The following COL14A1 variants were observed in gnomAD, a reference collection of about 807,000 sequenced individuals.
COL14A1 encodes the protein collagen type XIV alpha 1 chain, also known as collagen alpha-1(XIV) chain.
A neutral mutation model predicts 230.3 loss-of-function variants in COL14A1; 136 were observed. The observed-to-expected ratio is 0.59, with a 90% CI of 0.51 to 0.68. COL14A1 has a LOEUF of 0.68. Among genes scored for constraint, COL14A1 ranks in the 30% least tolerant of loss-of-function variants. COL14A1 has a pLI of 0.00. For missense variants in COL14A1, 1,976 were observed against 2,215.8 expected, an observed-to-expected ratio of 0.89 and a Z score of 2.17; for synonymous variants, 792 against 784.1, an observed-to-expected ratio of 1.01 and a Z score of -0.17.
At chr8:120,165,571 A>G (rs571156481) in intron 4 of COL14A1, among the ~76,000 whole-genome samples, 1 of 152,314 alleles carries the variant, frequency 6.6e-6, no homozygotes, top group East Asian at 1.9e-4. Context: ...GTCGTAAGAA[A>G]TACCATTTTG....
chr8:120,140,251 C>T (rs932434829), intron 1 of COL14A1, among the ~76,000 whole-genome samples: 4 of 151,990 alleles, frequency 2.6e-5, no homozygotes, highest in Admixed American at 6.6e-5. Flanking sequence ...TTATTTCATT[C>T]GGTTTTGCAA....
chr8:120,244,854 G>A (rs866252833), intron 20 of COL14A1, among the ~76,000 whole-genome samples: 46 of 152,074 alleles, frequency 3.0e-4, no homozygotes, highest in Non-Finnish European at 4.9e-4. Flanking sequence ...TAAATGATCT[G>A]CACCTCTGTT....
chr8:120,313,653 T>C (rs754358041), intron 37 of COL14A1, among the ~76,000 whole-genome samples: 4 of 152,132 alleles, frequency 2.6e-5, no homozygotes, highest in Non-Finnish European at 2.9e-5. Context: ...GTCTCATTAC[T>C]TACATAATTG....
At chr8:120,204,195 G>C (rs1817357473) in intron 9 of COL14A1, among the ~76,000 whole-genome samples, 1 of 152,076 alleles carries the variant, frequency 6.6e-6, no homozygotes, top group Non-Finnish European at 1.5e-5. Flanking sequence ...TTCTTTACTA[G>C]TTTTCCCAAT....
At chr8:120,132,212 T>C in intron 1 of COL14A1, among the ~76,000 whole-genome samples, 1 of 152,178 alleles carries the variant, frequency 6.6e-6, no homozygotes, top group East Asian at 1.9e-4. Context: ...AAGCCTTTAA[T>C]CTATTTTGAG....
intron 1 of COL14A1, among the ~76,000 whole-genome samples, chr8:120,132,869 T>C (rs181631024): frequency 6.6e-6 from 1 of 152,204 alleles, no homozygotes; most frequent in African/African-American, 2.4e-5. Context: ...ACTCTCCCCA[T>C]GGTTTTGCAA....
chr8:120,341,469 T>C (rs1822296060), intron 43 of COL14A1, 109 bp downstream of exon 43: 3 of 1,160,574 alleles, frequency 2.6e-6, no homozygotes, highest in Non-Finnish European at 3.7e-6. Context: ...ATTGCAATTG[T>C]ACCAGTCTCT....
intron 1 of COL14A1, among the ~76,000 whole-genome samples, chr8:120,127,643 A>G (rs1468382841): frequency 6.6e-6 from 1 of 152,246 alleles, no homozygotes; most frequent in East Asian, 1.9e-4. Context: ...CTAGCTCATT[A>G]AGAAGACCTC....
intron 36 of COL14A1, among the ~76,000 whole-genome samples, chr8:120,308,015 G>A (rs1308895578): frequency 1.3e-5 from 2 of 152,096 alleles, no homozygotes; most frequent in South Asian, 2.1e-4. Flanking sequence ...GGAGTCTCAC[G>A]CTGTCGCTTA....
chr8:120,357,312 TG>T (rs1823022381), intron 45 of COL14A1, among the ~76,000 whole-genome samples: 1 of 152,162 alleles, frequency 6.6e-6, no homozygotes, highest in Non-Finnish European at 1.5e-5. Context: ...CAGCCCTGGC[TG>T]ATGATTGGCA....
chr8:120,357,571 G>T (rs1361555700), intron 45 of COL14A1, among the ~76,000 whole-genome samples: 1 of 152,044 alleles, frequency 6.6e-6, no homozygotes, highest in Non-Finnish European at 1.5e-5. Context: ...CACTTTGGAG[G>T]GAGGCATTTT....
intron 20 of COL14A1, among the ~76,000 whole-genome samples, chr8:120,245,786 C>A (rs1272744019): frequency 6.6e-6 from 1 of 152,150 alleles, no homozygotes; most frequent in African/African-American, 2.4e-5. Context: ...CTCCCTTAGT[C>A]TCAGAGCTTC....
Position 120,283,664 on chromosome 8 carries a change from G to C in COL14A1, c.3853G>C (p.Asp1285His). 6.2e-7 allele frequency: 1 copy of C among 1,612,916 alleles called. No homozygotes were observed. ...CTTGCACCCAGAAGGATTGCCCTCC[G>C]ACTACACAATCAGTTTTCTATTCCG... The part of the protein sequence containing the change: ...RYLHPEGLPS[D>H]YTISFLFRIL... Residue 1285 changes from aspartate (D) to histidine (H), a missense_variant, in exon 32 of 48, where the codon GAC becomes CAC. By Grantham distance (81) the Asp-to-His change is moderately conservative. Transcript: ENST00000297848.
Position 120,200,162 on chromosome 8 carries a change from A to G in COL14A1, c.877+596A>G, listed in dbSNP as rs958600763. 5.1e-5 allele frequency among the ~76,000 whole-genome samples: 7 copies of G among 136,874 alleles called. No individual in the cohort carries two copies. In the South Asian group the frequency reaches 6.9e-4, roughly 14 times the overall value. 89.8% of individuals were successfully genotyped at this position (136,874 alleles called of 152,430 possible). A position where few individuals can be genotyped will look rare whatever the true frequency, so the allele number is the denominator to read the frequency against. ...TTCTTTGGCAATGGGAACGTCTTCT[A>G]TTTAGTAGAGAACAACAAACTTTCT... is the stretch of plus-strand genomic sequence containing the variant. On this transcript the variant is annotated intron_variant, in intron 8 of 47. Coordinates refer to ENST00000297848, the MANE Select transcript of COL14A1 (RefSeq NM_021110.4).
At chr8:120,289,503 T>G in intron 33 of COL14A1, 105 bp from the exon 34 acceptor site, 11 of 1,007,010 alleles carry the variant, frequency 1.1e-5, no homozygotes, top group Non-Finnish European at 1.6e-5. Flanking sequence ...ACAGAATTCT[T>G]TCTCTTCTCT....
intron 5 of COL14A1, among the ~76,000 whole-genome samples, chr8:120,193,045 T>C (rs2130692613): frequency 6.6e-6 from 1 of 152,348 alleles, no homozygotes; most frequent in South Asian, 2.1e-4. Flanking sequence ...TTCTCTCAAC[T>C]CGTCAAAGTC....
chr8:120,237,451 C>T (rs1818481449), intron 19 of COL14A1, among the ~76,000 whole-genome samples: 1 of 152,172 alleles, frequency 6.6e-6, no homozygotes, highest in South Asian at 2.1e-4. Flanking sequence ...CTGTGTTTTT[C>T]AGCTCCATCA....
chr8:120,141,890 T>A (rs967291028), intron 1 of COL14A1, among the ~76,000 whole-genome samples: 14 of 152,280 alleles, frequency 9.2e-5, no homozygotes, highest in East Asian at 5.8e-4. Flanking sequence ...TAACATTTTT[T>A]AATTTAATTT....
chr8:120,217,265 A>C (rs1211936872), intron 14 of COL14A1, among the ~76,000 whole-genome samples: 1 of 152,208 alleles, frequency 6.6e-6, no homozygotes, highest in African/African-American at 2.4e-5. Flanking sequence ...AAATAATTCA[A>C]GTTTTATCTA....
Sources: allele counts gnomAD v4.1 joint callset (sites outside exome capture counted in the v4.1 genomes callset), GRCh38; gene constraint gnomAD v4.1.1; transcripts MANE v1.5; gene names NCBI Gene and HGNC (gene_info 2026-07-23, HGNC 2026-07-21).